Variants in LINC00305 observed in about 807,000 individuals in gnomAD.
LINC00305 encodes the protein long intergenic non-protein coding RNA 305.
intron 1 of LINC00305, among the ~76,000 whole-genome samples, chr18:64,139,838 T>A (rs2051452914): frequency 6.6e-6 from 1 of 152,122 alleles, no homozygotes; most frequent in Non-Finnish European, 1.5e-5. Context: ...CTTTTGAACA[T>A]GTTATAGCAT....
intron 3 of LINC00305, among the ~76,000 whole-genome samples, chr18:64,080,900 T>C (rs1484007896): frequency 6.6e-6 from 1 of 152,160 alleles, no homozygotes; most frequent in Non-Finnish European, 1.5e-5. Context: ...TAACCATGAA[T>C]TATTAATAAA....
chr18:64,104,576 T>C (rs2051281925), intron 1 of LINC00305, among the ~76,000 whole-genome samples: 1 of 152,176 alleles, frequency 6.6e-6, no homozygotes, highest in African/African-American at 2.4e-5. Flanking sequence ...ATAGAAGAAG[T>C]GTGATTGGGT....
chr18:64,113,489 T>C (rs528358554), intron 1 of LINC00305, among the ~76,000 whole-genome samples: 32 of 152,228 alleles, frequency 2.1e-4, no homozygotes, highest in Non-Finnish European at 4.1e-4. Context: ...CCCTGCACCT[T>C]TCCCCAGGTG....
intron 1 of LINC00305, among the ~76,000 whole-genome samples, chr18:64,109,276 G>C (rs2051304937): frequency 1.3e-5 from 2 of 152,214 alleles, no homozygotes; most frequent in Admixed American, 1.3e-4. Flanking sequence ...TCCCATTAGT[G>C]AAAGAGTATG....
intron 1 of LINC00305, among the ~76,000 whole-genome samples, chr18:64,148,098 T>A (rs566851609): frequency 2.6e-5 from 4 of 152,030 alleles, no homozygotes; most frequent in Non-Finnish European, 5.9e-5. Flanking sequence ...TTCCAGGTTG[T>A]GTCCAGGGAA....
intron 1 of LINC00305, among the ~76,000 whole-genome samples, chr18:64,107,146 G>A (rs922610423): frequency 6.6e-6 from 1 of 152,208 alleles, no homozygotes; most frequent in Non-Finnish European, 1.5e-5. Context: ...TCAGATCCTT[G>A]AATCATCACT....
At chr18:64,100,169 G>A (rs1445007194) in intron 1 of LINC00305, among the ~76,000 whole-genome samples, 1 of 151,964 alleles carries the variant, frequency 6.6e-6, no homozygotes, top group Non-Finnish European at 1.5e-5. Flanking sequence ...AGGGGAGATG[G>A]TTGTTATGAC....
intron 1 of LINC00305, among the ~76,000 whole-genome samples, chr18:64,118,396 A>G (rs2144256484): frequency 6.6e-6 from 1 of 152,150 alleles, no homozygotes; most frequent in Non-Finnish European, 1.5e-5. Flanking sequence ...CGTTGTGTCT[A>G]TTTTCCCAAA....
chr18:64,083,316 C>T (rs1161000739), intron 3 of LINC00305, among the ~76,000 whole-genome samples: 2 of 152,170 alleles, frequency 1.3e-5, no homozygotes, highest in African/African-American at 4.8e-5. Flanking sequence ...TTAAGGCTGG[C>T]TCTTCAAAAA....
intron 2 of LINC00305, among the ~76,000 whole-genome samples, chr18:64,098,289 A>T (rs1345906938): frequency 6.6e-6 from 1 of 152,194 alleles, no homozygotes; most frequent in Non-Finnish European, 1.5e-5. Context: ...AAGACCCAGG[A>T]GTGAGTTCTG....
At position 64,113,507 on chromosome 18, in the gene LINC00305, C is replaced by T. The variant is rs148842177; in HGVS notation, n.315-14867G>A. 3.5e-3 allele frequency among the ~76,000 whole-genome samples: 535 copies of T among 152,278 alleles called. 2 individuals are homozygous for T. Among genetic ancestry groups the T allele is most frequent in the African/African-American group, 0.012 (496 of 41,548 alleles). ...TGCACCTTTCCCCAGGTGGCTTGCA[C>T]ATAATGGAAGGGAAGCACTTATAAG... On this transcript the variant is annotated intron_variant and non_coding_transcript_variant, in intron 1 of 3. Transcript: ENST00000666468.
intron 1 of LINC00305, among the ~76,000 whole-genome samples, chr18:64,107,787 C>T (rs887460968): frequency 2.0e-5 from 3 of 152,170 alleles, no homozygotes; most frequent in Non-Finnish European, 4.4e-5. Context: ...TGAAATCCAC[C>T]TTCCAGAGGG....
intron 1 of LINC00305, among the ~76,000 whole-genome samples, chr18:64,133,078 G>T (rs1031485869): frequency 6.6e-6 from 1 of 152,158 alleles, no homozygotes; most frequent in Non-Finnish European, 1.5e-5. Flanking sequence ...GCCAATTTTG[G>T]GTTGTTTACA....
intron 1 of LINC00305, among the ~76,000 whole-genome samples, chr18:64,107,645 C>T (rs957604811): frequency 6.6e-6 from 1 of 152,068 alleles, no homozygotes; most frequent in Non-Finnish European, 1.5e-5. Context: ...CCAGGCTTGC[C>T]CAAGTACAGA....
intron 3 of LINC00305, among the ~76,000 whole-genome samples, chr18:64,091,111 G>A (rs891033058): frequency 4.6e-5 from 7 of 152,234 alleles, no homozygotes; most frequent in African/African-American, 1.7e-4. Context: ...TAAATGAGTA[G>A]CAAATAACAT....
intron 1 of LINC00305, among the ~76,000 whole-genome samples, chr18:64,107,664 C>T (rs2051296970): frequency 6.6e-6 from 1 of 152,152 alleles, no homozygotes; most frequent in Admixed American, 6.5e-5. Context: ...GAAATATACT[C>T]ATTCTTCGTG....
chr18:64,103,830 A>C (rs1337005947), intron 1 of LINC00305, among the ~76,000 whole-genome samples: 4 of 152,178 alleles, frequency 2.6e-5, no homozygotes, highest in Non-Finnish European at 5.9e-5. Context: ...TAGATACTAG[A>C]GTCAGTGGTG....
chr18:64,125,072 A>G (rs530476447), intron 1 of LINC00305, among the ~76,000 whole-genome samples: 1 of 152,158 alleles, frequency 6.6e-6, no homozygotes, highest in Non-Finnish European at 1.5e-5. Flanking sequence ...AATATTTTCA[A>G]TCAAAAGCAT....
chr18:64,086,473 C>A (rs2051203931), intron 3 of LINC00305, among the ~76,000 whole-genome samples: 1 of 152,210 alleles, frequency 6.6e-6, no homozygotes, highest in Admixed American at 6.5e-5. Flanking sequence ...TAGAGAATTT[C>A]TTGATAGTTG....
Sources: allele counts gnomAD v4.1 joint callset (sites outside exome capture counted in the v4.1 genomes callset), GRCh38; gene constraint gnomAD v4.1.1; transcripts MANE v1.5; gene names NCBI Gene and HGNC (gene_info 2026-07-23, HGNC 2026-07-21).